ZNF385B: variants seen among roughly 807,000 people sequenced by gnomAD.
The protein encoded by ZNF385B is zinc finger protein 385B.
In ZNF385B, 23 loss-of-function variants were observed where a neutral mutation model predicts 39.2. That is an observed-to-expected ratio of 0.59 (90% CI 0.42 to 0.83). ZNF385B has a LOEUF of 0.83. Ranked by LOEUF, ZNF385B falls within the 40% of genes least tolerant of loss-of-function variation. The probability of loss-of-function intolerance (pLI) is 0.00; values close to 1 mark genes in which losing one functional copy is unlikely to be tolerated. For missense variants in ZNF385B, 552 were observed against 598.9 expected, an observed-to-expected ratio of 0.92 and a Z score of 0.82; for synonymous variants, 205 against 222.6, an observed-to-expected ratio of 0.92 and a Z score of 0.70.
intron 3 of ZNF385B, among the ~76,000 whole-genome samples, chr2:179,550,611 C>G (rs1209951997): frequency 6.7e-6 from 1 of 149,738 alleles, no homozygotes; most frequent in African/African-American, 2.5e-5. Flanking sequence ...TAAATATAAA[C>G]TATACTTTCA....
intron 3 of ZNF385B, among the ~76,000 whole-genome samples, chr2:179,761,761 C>CTTTT (rs34325728): frequency 1.9e-3 from 208 of 110,076 alleles, no homozygotes; most frequent in East Asian, 4.3e-3. Flanking sequence ...TTTTTCTTTT[C>CTTTT]TTTTTTTTTT....
intron 3 of ZNF385B, among the ~76,000 whole-genome samples, chr2:179,715,695 A>T (rs1056312337): frequency 1.3e-5 from 2 of 151,916 alleles, no homozygotes; most frequent in Admixed American, 1.3e-4. Context: ...TTACTTTATA[A>T]GGGTAAATTA....
intron 6 of ZNF385B, among the ~76,000 whole-genome samples, chr2:179,468,661 C>T (rs1574294174): frequency 1.3e-5 from 2 of 152,206 alleles, no homozygotes; most frequent in African/African-American, 4.8e-5. Context: ...CCTCTTTCCT[C>T]TCTAGATTCA....
chr2:179,502,705 C>A (rs1045438494), intron 5 of ZNF385B, among the ~76,000 whole-genome samples: 2 of 152,154 alleles, frequency 1.3e-5, no homozygotes, highest in African/African-American at 4.8e-5. Context: ...GTCTTTATAG[C>A]AGTATGAGAA....
At chr2:179,632,323 TA>T (rs1243789870) in intron 3 of ZNF385B, among the ~76,000 whole-genome samples, 1 of 152,152 alleles carries the variant, frequency 6.6e-6, no homozygotes, top group African/African-American at 2.4e-5. Context: ...TCAGCAAATG[TA>T]AAAGAATTGA....
chr2:179,504,669 G>A (rs564570539), intron 5 of ZNF385B, among the ~76,000 whole-genome samples: 8 of 151,582 alleles, frequency 5.3e-5, no homozygotes, highest in African/African-American at 1.7e-4. Context: ...GGGGTGGGGA[G>A]AGGGGGGAGG....
In ZNF385B at chr2:179,749,179, A is replaced by T. The variant is rs76123397; in HGVS notation, c.298+20324T>A. On this transcript the variant is annotated intron_variant, in intron 3 of 9. Transcript: ENST00000410066. ...GAGTAACACTTCAGGGCTATGATTT[A>T]AAAAAAAAGCTCCCTATACCTTTCA... 2.2e-4 allele frequency among the ~76,000 whole-genome samples: 33 copies of T among 149,266 alleles called. 1 individual carries two copies. In the South Asian group the frequency reaches 3.6e-3, roughly 16 times the overall value.
At chr2:179,675,394 T>A (rs1391881736) in intron 3 of ZNF385B, among the ~76,000 whole-genome samples, 3 of 152,188 alleles carry the variant, frequency 2.0e-5, no homozygotes, top group African/African-American at 7.2e-5. Context: ...TGCAGTCCTA[T>A]CCCACATTGT....
intron 5 of ZNF385B, among the ~76,000 whole-genome samples, chr2:179,504,146 G>A (rs957558829): frequency 6.0e-5 from 9 of 150,186 alleles, no homozygotes; most frequent in African/African-American, 7.4e-5. Flanking sequence ...TTGTTCTTGC[G>A]ATAGTTTACT....
chr2:179,582,905 AGTCATGCAGTCTCAGTTCACTGCAACCT>A (rs1686694853), intron 3 of ZNF385B, among the ~76,000 whole-genome samples: 1 of 152,154 alleles, frequency 6.6e-6, no homozygotes. Context: ...GCTGGAGTGC[AGTCATGCAGTCTCAGTTCACTGCAACCT>A]CTGCCTCCTG....
chr2:179,818,168 CT>C, intron 1 of ZNF385B, among the ~76,000 whole-genome samples: 1 of 152,020 alleles, frequency 6.6e-6, no homozygotes, highest in East Asian at 1.9e-4. Flanking sequence ...ACTAGAGAGA[CT>C]TTTTATTTCC....
chr2:179,701,970 A>G (rs1240678861), intron 3 of ZNF385B, among the ~76,000 whole-genome samples: 1 of 152,192 alleles, frequency 6.6e-6, no homozygotes. Flanking sequence ...TCAGCTAAGG[A>G]ATGTGAGTGA....
intron 6 of ZNF385B, among the ~76,000 whole-genome samples, chr2:179,473,563 G>T (rs1480437161): frequency 2.0e-5 from 3 of 152,118 alleles, no homozygotes; most frequent in Non-Finnish European, 4.4e-5. Context: ...TGGGATACAC[G>T]TGCAGAACGT....
At chr2:179,579,461 A>C (rs1264428576) in intron 3 of ZNF385B, among the ~76,000 whole-genome samples, 1 of 152,124 alleles carries the variant, frequency 6.6e-6, no homozygotes, top group Non-Finnish European at 1.5e-5. Flanking sequence ...TGCTTAAAGT[A>C]TAACTGACAG....
intron 3 of ZNF385B, among the ~76,000 whole-genome samples, chr2:179,572,596 C>G (rs1324450689): frequency 2.0e-5 from 3 of 152,128 alleles, no homozygotes; most frequent in African/African-American, 7.2e-5. Flanking sequence ...TGATTGGAGA[C>G]AGGGCTAATA....
At chr2:179,796,495 A>G (rs2106547588) in intron 1 of ZNF385B, among the ~76,000 whole-genome samples, 1 of 152,266 alleles carries the variant, frequency 6.6e-6, no homozygotes, top group East Asian at 1.9e-4. Context: ...ACACTATACT[A>G]AGGAAAACCA....
At chr2:179,568,800 C>T (rs1210781939) in intron 3 of ZNF385B, among the ~76,000 whole-genome samples, 4 of 152,150 alleles carry the variant, frequency 2.6e-5, no homozygotes, top group Non-Finnish European at 4.4e-5. Flanking sequence ...TTAATTGATA[C>T]TCAGATTTGA....
intron 5 of ZNF385B, among the ~76,000 whole-genome samples, chr2:179,493,782 CACATATGTATACATATATGTATAT>C (rs2055795785): frequency 1.1e-5 from 1 of 89,526 alleles, no homozygotes; most frequent in Non-Finnish European, 2.5e-5. Flanking sequence ...TATGTATATA[CACATATGTATACATATATGTATAT>C]ATACATATAT....
chr2:179,757,671 C>T (rs910395311), intron 3 of ZNF385B, among the ~76,000 whole-genome samples: 1 of 152,170 alleles, frequency 6.6e-6, no homozygotes. Context: ...GAAGGCGCCC[C>T]TCCCCCAGTC....
Sources: allele counts gnomAD v4.1 joint callset (sites outside exome capture counted in the v4.1 genomes callset), GRCh38; gene constraint gnomAD v4.1.1; transcripts MANE v1.5; gene names NCBI Gene and HGNC (gene_info 2026-07-23, HGNC 2026-07-21).